Variants in ADGRB3 observed in about 807,000 individuals in gnomAD.
ADGRB3 encodes the protein brain-specific angiogenesis inhibitor 3.
In ADGRB3, 37 loss-of-function variants were observed where a neutral mutation model predicts 193.4. The ratio of observed to expected loss-of-function variants is 0.19; its 90% CI spans 0.15 to 0.25. The LOEUF (loss-of-function observed/expected upper bound fraction) is 0.25, where lower values mean the gene tolerates loss of function less well. Ranked by LOEUF, ADGRB3 falls within the 10% of genes least tolerant of loss-of-function variation. The pLI, the probability that ADGRB3 is intolerant of heterozygous loss-of-function variation, is 1.00. For synonymous variants in ADGRB3, 690 were observed against 644.2 expected (o/e 1.07, Z -1.08); for missense variants, 1,637 against 1,852.9 (o/e 0.88, Z 2.14).
rs1167425862 is a variant in ADGRB3 at position 68,860,893 on chromosome 6, G to A, written c.758-69666G>A. Among the ~76,000 whole-genome samples the A allele has an allele frequency of 2.0e-5, 3 of 151,972 alleles. No individual in the cohort carries two copies. In the East Asian group the frequency reaches 5.8e-4, roughly 29 times the overall value. On this transcript the variant is annotated intron_variant, in intron 3 of 31. Coordinates refer to ENST00000370598, the MANE Select transcript of ADGRB3 (RefSeq NM_001704.3). ...TAAATATGCTTTTTTTTTAAGAGCA[G>A]TGGATATTATTGGGGCTACTCTAAA...
chr6:68,826,953 A>C, intron 3 of ADGRB3, among the ~76,000 whole-genome samples: 1 of 152,174 alleles, frequency 6.6e-6, no homozygotes, highest in East Asian at 1.9e-4. Context: ...TAAACATCCT[A>C]GTGTAGGTTT....
At chr6:68,638,007 A>G (rs79755176) in intron 2 of ADGRB3, among the ~76,000 whole-genome samples, 1 of 152,230 alleles carries the variant, frequency 6.6e-6, no homozygotes, top group Non-Finnish European at 1.5e-5. Flanking sequence ...ACTAATCCAC[A>G]TGAATGCCCA....
chr6:68,696,444 T>A (rs10452572), intron 3 of ADGRB3, among the ~76,000 whole-genome samples: 85 of 151,794 alleles, frequency 5.6e-4, no homozygotes, highest in African/African-American at 1.9e-3. Flanking sequence ...AAAAAACCTA[T>A]GGGATTTTGC....
intron 3 of ADGRB3, among the ~76,000 whole-genome samples, chr6:68,873,689 A>G (rs1765518652): frequency 6.6e-6 from 1 of 152,152 alleles, no homozygotes; most frequent in South Asian, 2.1e-4. Context: ...CCAACAATGA[A>G]AAGTGTACGA....
chr6:69,299,608 A>G (rs1270287199), intron 20 of ADGRB3, among the ~76,000 whole-genome samples: 1 of 151,946 alleles, frequency 6.6e-6, no homozygotes, highest in Non-Finnish European at 1.5e-5. Flanking sequence ...ATGGGTATCC[A>G]GTTTTCCCAG....
intron 20 of ADGRB3, among the ~76,000 whole-genome samples, chr6:69,319,597 T>C (rs1768399149): frequency 6.6e-6 from 1 of 151,388 alleles, no homozygotes; most frequent in Admixed American, 6.6e-5. Flanking sequence ...AGTTTTTGCT[T>C]CATATACTTT....
intron 8 of ADGRB3, among the ~76,000 whole-genome samples, chr6:68,959,312 A>G (rs184973171): frequency 1.8e-4 from 27 of 152,288 alleles, no homozygotes; most frequent in Admixed American, 1.2e-3. Context: ...TCAAATTACC[A>G]TAACATTTTT....
At chr6:68,797,997 T>C (rs995051038) in intron 3 of ADGRB3, among the ~76,000 whole-genome samples, 1 of 152,168 alleles carries the variant, frequency 6.6e-6, no homozygotes, top group Non-Finnish European at 1.5e-5. Flanking sequence ...TTCCTCCAAC[T>C]TATACTTTTT....
intron 3 of ADGRB3, among the ~76,000 whole-genome samples, chr6:68,883,847 C>G (rs1458077042): frequency 6.6e-6 from 1 of 152,118 alleles, no homozygotes; most frequent in Non-Finnish European, 1.5e-5. Flanking sequence ...ATTCTGGACA[C>G]AGAAATACTG....
chr6:68,824,930 G>A (rs1327056396), intron 3 of ADGRB3, among the ~76,000 whole-genome samples: 4 of 151,830 alleles, frequency 2.6e-5, no homozygotes, highest in Admixed American at 2.0e-4. Flanking sequence ...TCTCCCTCAC[G>A]GCAACCTCCG....
chr6:69,368,422 G>T (rs140206459), intron 29 of ADGRB3, among the ~76,000 whole-genome samples: 1 of 152,116 alleles, frequency 6.6e-6, no homozygotes, highest in Non-Finnish European at 1.5e-5. Flanking sequence ...CATGCTGGTG[G>T]ATTGAATGTG....
chr6:68,983,454 G>C (rs2150269941), intron 10 of ADGRB3, among the ~76,000 whole-genome samples: 1 of 148,778 alleles, frequency 6.7e-6, no homozygotes, highest in African/African-American at 2.4e-5. Flanking sequence ...TAATTGTATA[G>C]TATATAACAT....
chr6:69,348,150 A>G (rs1264124555), intron 26 of ADGRB3, among the ~76,000 whole-genome samples: 1 of 152,228 alleles, frequency 6.6e-6, no homozygotes, highest in Non-Finnish European at 1.5e-5. Context: ...GGGGTTAACA[A>G]GAGTATGAAA....
intron 5 of ADGRB3, among the ~76,000 whole-genome samples, chr6:68,942,488 G>A (rs1459747407): frequency 2.0e-5 from 3 of 152,080 alleles, no homozygotes; most frequent in Non-Finnish European, 1.5e-5. Context: ...GAACAAAAAA[G>A]CACATTTTTT....
intron 3 of ADGRB3, among the ~76,000 whole-genome samples, chr6:68,837,750 T>G (rs540974): frequency 0.21 from 32,614 of 152,088 alleles, 4,048 homozygotes; most frequent in East Asian, 0.58. Context: ...GGGGGCTATT[T>G]CATGGTTTCT....
At chr6:69,191,543 A>G (rs1451095588) in intron 17 of ADGRB3, among the ~76,000 whole-genome samples, 1 of 152,146 alleles carries the variant, frequency 6.6e-6, no homozygotes, top group African/African-American at 2.4e-5. Context: ...TGGTTGCATA[A>G]TAAATATGGC....
chr6:68,800,470 G>A (rs1582212205), intron 3 of ADGRB3, among the ~76,000 whole-genome samples: 2 of 152,238 alleles, frequency 1.3e-5, no homozygotes, highest in Admixed American at 6.5e-5. Context: ...ATTTAGATGA[G>A]ATCTCCTAGA....
chr6:69,361,581 T>C (rs1458144085), intron 29 of ADGRB3, 69 bp downstream of exon 29: 8 of 1,460,104 alleles, frequency 5.5e-6, no homozygotes, highest in Non-Finnish European at 6.5e-6. Context: ...GAGATATTGA[T>C]TGATTGGTTG....
intron 17 of ADGRB3, among the ~76,000 whole-genome samples, chr6:69,209,278 C>T (rs1435938282): frequency 6.6e-6 from 1 of 152,156 alleles, no homozygotes; most frequent in Non-Finnish European, 1.5e-5. Flanking sequence ...TATGTTGCCT[C>T]CAAAATCCAA....
Sources: gnomAD v4.1 joint callset for allele counts (sites outside exome capture counted in the v4.1 genomes callset) on GRCh38, gnomAD v4.1.1 for gene constraint, MANE v1.5 for transcripts, NCBI Gene and HGNC (gene_info 2026-07-23, HGNC 2026-07-21) for gene names.